KIF5C: variants seen among roughly 807,000 people sequenced by gnomAD.
The protein encoded by KIF5C is kinesin heavy chain isoform 5C.
KIF5C carries 18 observed loss-of-function variants against 125.2 expected under a neutral mutation model. The ratio of observed to expected loss-of-function variants is 0.14; its 90% CI spans 0.10 to 0.21. The LOEUF is 0.21. KIF5C is among the 10% of genes least tolerant of loss of function. The pLI is 1.00. For synonymous variants in KIF5C, 405 were observed against 434.0 expected (o/e 0.93, Z 0.83); for missense variants, 780 against 1,183.8 (o/e 0.66, Z 5.01).
At chr2:148,880,485 A>G (rs1277172315) in intron 1 of KIF5C, among the ~76,000 whole-genome samples, 1 of 152,204 alleles carries the variant, frequency 6.6e-6, no homozygotes, top group Non-Finnish European at 1.5e-5. Context: ...GTTCTGTGTG[A>G]GTATACATTT....
At chr2:149,015,726 A>G (rs1682339652) in intron 25 of KIF5C, among the ~76,000 whole-genome samples, 1 of 152,232 alleles carries the variant, frequency 6.6e-6, no homozygotes, top group Non-Finnish European at 1.5e-5. Flanking sequence ...CCAGAGCTAC[A>G]TATGGGGCAG....
At chr2:149,021,433 G>A (rs906470512) in intron 25 of KIF5C, among the ~76,000 whole-genome samples, 17 of 151,506 alleles carry the variant, frequency 1.1e-4, no homozygotes, top group South Asian at 4.2e-4. Context: ...TTTCTGTTCC[G>A]TATTTCTTCT....
intron 1 of KIF5C, among the ~76,000 whole-genome samples, chr2:148,900,304 G>A (rs1278255986): frequency 2.0e-5 from 3 of 151,992 alleles, no homozygotes; most frequent in Admixed American, 6.6e-5. Context: ...AACCCACATT[G>A]CCTCACCATT....
At chr2:148,993,600 T>C (rs1681584736) in intron 16 of KIF5C, among the ~76,000 whole-genome samples, 1 of 151,894 alleles carries the variant, frequency 6.6e-6, no homozygotes, top group African/African-American at 2.4e-5. Flanking sequence ...AACGGAGGAG[T>C]TGTGTTTTCT....
chr2:148,948,728 C>G (rs1188768711), intron 8 of KIF5C, among the ~76,000 whole-genome samples: 1 of 152,156 alleles, frequency 6.6e-6, no homozygotes, highest in Non-Finnish European at 1.5e-5. Context: ...ATTTCTGGGG[C>G]TCAGTTTCCT....
At chr2:148,939,407 G>A (rs1574769650) in intron 4 of KIF5C, among the ~76,000 whole-genome samples, 1 of 152,266 alleles carries the variant, frequency 6.6e-6, no homozygotes, top group Middle Eastern at 3.4e-3. Context: ...TGCTTTGATG[G>A]GATCAAGATT....
At chr2:149,000,594 T>A (rs1269293036) in intron 20 of KIF5C, 70 bp downstream of exon 20, 1 of 1,563,892 alleles carries the variant, frequency 6.4e-7, no homozygotes, top group Non-Finnish European at 8.7e-7. Flanking sequence ...TTGGGCTAAT[T>A]TAAAAACAGA....
chr2:149,008,525 G>A (rs2105197308), intron 23 of KIF5C, among the ~76,000 whole-genome samples: 1 of 152,266 alleles, frequency 6.6e-6, no homozygotes, highest in South Asian at 2.1e-4. Flanking sequence ...GACCGGGACT[G>A]GAACCAGCAC....
chr2:148,884,458 A>C (rs1681455354), intron 1 of KIF5C: 1 of 152,154 alleles, frequency 6.6e-6, no homozygotes, highest in Non-Finnish European at 1.5e-5. Flanking sequence ...TAGAAAATTT[A>C]TTATATAAAA....
At chr2:148,985,870 A>G (rs1681369667) in intron 15 of KIF5C, among the ~76,000 whole-genome samples, 1 of 152,208 alleles carries the variant, frequency 6.6e-6, no homozygotes, top group African/African-American at 2.4e-5. Context: ...CCATTCTTTC[A>G]TGGAACCTTT....
intron 2 of KIF5C, 23 bp from the exon 3 acceptor site, chr2:148,929,258 T>C: frequency 6.8e-7 from 1 of 1,477,468 alleles, no homozygotes; most frequent in Admixed American, 2.0e-5. Context: ...GAGTTAATTT[T>C]AATTTCTTTT....
intron 3 of KIF5C, 117 bp downstream of exon 3, chr2:148,929,471 T>A: frequency 1.6e-6 from 1 of 630,748 alleles, no homozygotes; most frequent in Non-Finnish European, 2.7e-6. Context: ...ACGGTTATGT[T>A]TGGCCAATTA....
Position 148,935,754 on chromosome 2 carries a change from C to T in KIF5C, c.292-1530C>T, listed in dbSNP as rs1682277885. Among the ~76,000 whole-genome samples the T allele has an allele frequency of 2.0e-5, 3 of 152,054 alleles. No individual in the cohort carries two copies. In the South Asian group the frequency reaches 6.2e-4, roughly 32 times the overall value. ...ATATAATACTAACATTTATTTTAGC[C>T]CTTCTCATGTCACTAAGCACTTTAT... On this transcript the variant is annotated intron_variant, in intron 3 of 25. Transcript: ENST00000435030.
At position 149,026,504 on chromosome 2, in the gene KIF5C, C is replaced by T. The variant is rs1019379983; in HGVS notation, c.*3434C>T. The T allele has an allele frequency of 6.6e-6, 1 of 152,402 alleles. No homozygotes were observed. Among genetic ancestry groups the T allele is most frequent in the Non-Finnish European group, 1.5e-5 (1 of 68,082 alleles). 9.4% of individuals were successfully genotyped at this position (152,402 alleles called of 1,614,324 possible). A position where few individuals can be genotyped will look rare whatever the true frequency, so the allele number is the denominator to read the frequency against. ...GTTCTCTGGGCTTTATGTATCTGTACAGTAGCTTTCACATTAAAAAAATTG... is the reference window on the plus strand; with the variant it reads ...GTTCTCTGGGCTTTATGTATCTGTATAGTAGCTTTCACATTAAAAAAATTG... On this transcript the variant is annotated 3_prime_UTR_variant, in exon 26 of 26. Coordinates refer to ENST00000435030, the MANE Select transcript of KIF5C (RefSeq NM_004522.3).
intron 1 of KIF5C, among the ~76,000 whole-genome samples, chr2:148,898,630 C>T (rs949357311): frequency 1.3e-5 from 2 of 152,078 alleles, no homozygotes; most frequent in African/African-American, 2.4e-5. Flanking sequence ...AGGGGTCATG[C>T]GAGCCAAGGA....
Position 148,875,418 on chromosome 2 carries a change from G to A in KIF5C, c.-200G>A. ...GTCTGCAGCCGGAGGGGCCGGAGCGGAGAAGCTGCCCACCTTCCCGGGCTC... is the reference window on the plus strand; with the variant it reads ...GTCTGCAGCCGGAGGGGCCGGAGCGAAGAAGCTGCCCACCTTCCCGGGCTC... On this transcript the variant is annotated 5_prime_UTR_variant, in exon 1 of 26. Transcript: ENST00000435030. The A allele has an allele frequency of 3.7e-6, 2 of 544,180 alleles. No homozygotes were observed. The highest frequency in any genetic ancestry group is 6.4e-6 in the Non-Finnish European group (2 of 310,418). The allele number at this position is 544,180 out of a possible 1,614,324, so 33.7% of individuals were successfully genotyped here. A position where few individuals can be genotyped will look rare whatever the true frequency, so the allele number is the denominator to read the frequency against.
Position 148,962,081 on chromosome 2 carries a change from T to A in KIF5C, c.1079T>A (p.Ile360Asn). 6.2e-7 allele frequency: 1 copy of A among 1,612,650 alleles called. No individual in the cohort carries two copies. The highest frequency in any genetic ancestry group is 8.5e-7 in the Non-Finnish European group (1 of 1,179,240). ...KEKNKTLKNV[I>N]QHLEMELNRW... is the part of the protein sequence containing the mutation. ...AAAAACAAGACTTTGAAGAATGTTA[T>A]CCAGCATCTGGAGATGGAGCTAAAC... The change falls in exon 11 of 26, where the codon ATC (isoleucine) becomes AAC (asparagine). Residue 360 changes from isoleucine (I) to asparagine (N), a missense_variant. By Grantham distance (149) the Ile-to-Asn change is moderately radical. This residue lies in a region of KIF5C where 573 missense variants were observed against 742.6 expected (regional missense o/e 0.77). Coordinates refer to ENST00000435030, the MANE Select transcript of KIF5C (RefSeq NM_004522.3).
chr2:148,986,397 G>T (rs1351252998), intron 15 of KIF5C, among the ~76,000 whole-genome samples: 3 of 152,124 alleles, frequency 2.0e-5, no homozygotes, highest in African/African-American at 7.2e-5. Flanking sequence ...TCATTAGGGT[G>T]ATAAGAGCTA....
chr2:148,977,110 G>A (rs1012829130), intron 12 of KIF5C, among the ~76,000 whole-genome samples: 2 of 152,188 alleles, frequency 1.3e-5, no homozygotes, highest in African/African-American at 4.8e-5. Context: ...CCTTAGATAA[G>A]TTGCCTTAAT....
Sources: allele counts gnomAD v4.1 joint callset (sites outside exome capture counted in the v4.1 genomes callset), GRCh38; gene constraint gnomAD v4.1.1; regional missense constraint gnomAD v4.1.1; transcripts MANE v1.5; gene names NCBI Gene and HGNC (gene_info 2026-07-23, HGNC 2026-07-21).